Variants in CAMKK2 observed in about 807,000 individuals in gnomAD.
CAMKK2 encodes calcium/calmodulin-dependent protein kinase kinase 2.
A neutral mutation model predicts 67.2 loss-of-function variants in CAMKK2; 30 were observed. That is an observed-to-expected ratio of 0.45 (90% CI 0.33 to 0.61). CAMKK2 has a LOEUF of 0.61. Ranked by LOEUF, CAMKK2 falls within the 20% of genes least tolerant of loss-of-function variation. The pLI is 0.02. For synonymous variants in CAMKK2, 322 were observed against 326.2 expected, an observed-to-expected ratio of 0.99 and a Z score of 0.14; for missense variants, 643 against 802.0, an observed-to-expected ratio of 0.80 and a Z score of 2.39.
intron 1 of CAMKK2, among the ~76,000 whole-genome samples, chr12:121,279,604 T>C (rs546725612): frequency 6.6e-6 from 1 of 152,314 alleles, no homozygotes; most frequent in South Asian, 2.1e-4. Flanking sequence ...GGAAGGACAG[T>C]GAAGCATTCG....
intron 6 of CAMKK2, among the ~76,000 whole-genome samples, chr12:121,262,748 C>T (rs1593368405): frequency 1.3e-5 from 2 of 151,946 alleles, no homozygotes; most frequent in South Asian, 2.1e-4. Context: ...TTTGTAGAGA[C>T]AAGGTTTCAC....
Position 121,249,998 on chromosome 12 carries a change from T to G in CAMKK2, c.1198A>C (p.Ser400Arg), listed in dbSNP as rs540716908. 7.4e-6 allele frequency: 12 copies of G among 1,614,070 alleles called. No homozygotes were observed. In the East Asian group the frequency reaches 2.7e-4, roughly 36 times the overall value. Residue 400 changes from serine to arginine, a missense_variant, in exon 12 of 17, where the codon AGT becomes CGT. Coordinates refer to ENST00000404169, the MANE Select transcript of CAMKK2 (RefSeq NM_001270485.2). ...FMDERIMCLH[S>R]KIKSQALEFP... ...TCCAGGGCCTGACTCTTGATCTTAC[T>G]GTGTAAACACATGATCCGCTCGTCC...
chr12:121,246,847 G>A (rs753168173), intron 14 of CAMKK2, among the ~76,000 whole-genome samples: 1 of 101,904 alleles, frequency 9.8e-6, no homozygotes, highest in African/African-American at 3.8e-5. Context: ...CTACCCCTGA[G>A]AGCAGGCACT....
chr12:121,245,255 A>G lies in CAMKK2; in HGVS notation c.1453-15T>C. On this transcript the variant is annotated splice_polypyrimidine_tract_variant and intron_variant, in intron 14 of 16. Transcript: ENST00000404169. The surrounding 1 kb of genome is among the most constrained non-coding windows in gnomAD (Gnocchi z 5.8). ...TTCACCAGGATCTGAAGAGGGAGAA[A>G]AGAGGAGGTGGCAGGCAACTGCTTG... is the stretch of plus-strand genomic sequence containing the variant. The G allele has an allele frequency of 1.9e-6, 3 of 1,555,134 alleles. No individual in the cohort carries two copies. The highest frequency in any genetic ancestry group is 1.1e-5 in the South Asian group (1 of 86,986).
intron 6 of CAMKK2, among the ~76,000 whole-genome samples, chr12:121,261,459 C>T (rs531117530): frequency 6.6e-6 from 1 of 152,294 alleles, no homozygotes; most frequent in South Asian, 2.1e-4. Flanking sequence ...CAAATGCAGC[C>T]TCCCTGGCTA....
chr12:121,268,993 A>G (rs1017674703), intron 4 of CAMKK2, among the ~76,000 whole-genome samples: 10 of 152,156 alleles, frequency 6.6e-5, no homozygotes, highest in African/African-American at 2.4e-4. Flanking sequence ...TCAAAACACA[A>G]GTGAGCTGGA....
At chr12:121,270,797 CAA>C in intron 3 of CAMKK2, 99 bp downstream of exon 3, 1 of 891,934 alleles carries the variant, frequency 1.1e-6, no homozygotes, top group Non-Finnish European at 1.8e-6. Flanking sequence ...ACCTCGCCTT[CAA>C]AGACTCCTCT....
chr12:121,266,568 C>T (rs1166072949), intron 5 of CAMKK2, among the ~76,000 whole-genome samples: 1 of 150,186 alleles, frequency 6.7e-6, no homozygotes, highest in Non-Finnish European at 1.5e-5. Flanking sequence ...GCGATCTCGG[C>T]TCAGTGTAAC....
intron 1 of CAMKK2, among the ~76,000 whole-genome samples, chr12:121,279,930 C>T (rs1387545039): frequency 6.6e-6 from 1 of 152,274 alleles, no homozygotes; most frequent in African/African-American, 2.4e-5. Flanking sequence ...TCCGCTACCT[C>T]CCGCGCAGCA....
intron 14 of CAMKK2, among the ~76,000 whole-genome samples, chr12:121,247,260 T>A (rs1889678220): frequency 6.6e-6 from 1 of 152,132 alleles, no homozygotes; most frequent in Admixed American, 6.5e-5. Flanking sequence ...ATACATTTGT[T>A]GGTTTGACCA....
intron 5 of CAMKK2, among the ~76,000 whole-genome samples, chr12:121,267,741 G>A (rs903015650): frequency 6.6e-6 from 1 of 151,350 alleles, no homozygotes; most frequent in African/African-American, 2.4e-5. Flanking sequence ...TGATCCACTC[G>A]CCTCGGCCTC....
rs562799891 is a variant in CAMKK2 at position 121,239,116 on chromosome 12, T to C, written c.*1583A>G. The C allele has an allele frequency of 1.3e-5, 2 of 152,440 alleles. No individual in the cohort carries two copies. Among genetic ancestry groups the C allele is most frequent in the South Asian group, 4.1e-4 (2 of 4,822 alleles). The allele number at this position is 152,440 out of a possible 1,614,324, so 9.4% of individuals were successfully genotyped here. A position where few individuals can be genotyped will look rare whatever the true frequency, so the allele number is the denominator to read the frequency against. On this transcript the variant is annotated 3_prime_UTR_variant, in exon 17 of 17. Transcript: ENST00000404169. ...CCAAGAAGGCCCAGGGCTCCATGAA[T>C]GGGCTGGGCAGGGGCACGAGGCCTT...
rs1179114087 is a variant in CAMKK2, at chr12:121,285,372, G to A, written c.-59-10787C>T. Among the ~76,000 whole-genome samples, 3 of 152,116 alleles carry A rather than the reference G, an allele frequency of 2.0e-5. No homozygotes were observed. The highest frequency in any genetic ancestry group is 4.8e-5 in the African/African-American group (2 of 41,408). ...ACAGAAATTAGCCAGGTATGGTGGC[G>A]CATGCCTGTTATCCCAGCTACTCAG... is the stretch of plus-strand genomic sequence containing the variant. On this transcript the variant is annotated intron_variant, in intron 1 of 16. Transcript: ENST00000404169. This position sits in a 1 kb window ranked among gnomAD's most constrained non-coding sequence, Gnocchi z 4.1.
intron 11 of CAMKK2, among the ~76,000 whole-genome samples, chr12:121,252,076 A>G (rs950763013): frequency 2.0e-5 from 3 of 151,812 alleles, no homozygotes; most frequent in South Asian, 2.1e-4. Flanking sequence ...GGGCTCAGAA[A>G]TGGGAGAGGT....
At chr12:121,263,672 G>A (rs1893927876) in intron 6 of CAMKK2, 134 bp downstream of exon 6, 2 of 621,636 alleles carry the variant, frequency 3.2e-6, no homozygotes, top group African/African-American at 1.8e-5. Context: ...TACTCTTAGG[G>A]AGCAGTAAAT....
intron 7 of CAMKK2, among the ~76,000 whole-genome samples, chr12:121,258,353 G>A (rs939094421): frequency 1.3e-5 from 2 of 151,936 alleles, no homozygotes; most frequent in South Asian, 2.1e-4. Context: ...GTTTTATTGA[G>A]ACAGGGTCTT....
chr12:121,240,625 C>T lies in CAMKK2; in HGVS notation c.*74G>A. The T allele has an allele frequency of 6.5e-7, 1 of 1,535,326 alleles. No individual in the cohort carries two copies. The highest frequency in any genetic ancestry group is 1.4e-5 in the African/African-American group (1 of 72,628). On this transcript the variant is annotated 3_prime_UTR_variant, in exon 17 of 17. Coordinates refer to ENST00000404169, the MANE Select transcript of CAMKK2 (RefSeq NM_001270485.2). This position sits in a 1 kb window ranked among gnomAD's most constrained non-coding sequence, Gnocchi z 4.4. ...ACGTGCTGGGTTTCCGTAGGACATG[C>T]TGCTATGGAAACGCGGTGCAGCAGC...
intron 6 of CAMKK2, among the ~76,000 whole-genome samples, chr12:121,262,704 G>T (rs557037603): frequency 5.3e-5 from 8 of 151,866 alleles, no homozygotes; most frequent in African/African-American, 1.9e-4. Context: ...GACCAAAGGC[G>T]TGCACCACCA....
In CAMKK2 at chr12:121,240,822, A is replaced by C. The variant is rs769170410; in HGVS notation, c.1644T>G (p.Arg548=). The change falls in exon 17 of 17, where the codon CGT becomes CGG. Residue 548 remains arginine, a synonymous_variant. Coordinates refer to ENST00000404169, the MANE Select transcript of CAMKK2 (RefSeq NM_001270485.2). This position sits in a 1 kb window ranked among gnomAD's most constrained non-coding sequence, Gnocchi z 4.4. ...TCACAAGAGCACTTCCTCCTCCCCCACGGGGGGCGGGTCGGTGCCCTGGAG... is the reference window on the plus strand; with the variant it reads ...TCACAAGAGCACTTCCTCCTCCCCCCCGGGGGGCGGGTCGGTGCCCTGGAG... The part of the protein sequence containing the change: ...RQPPGHRPAP[R]GGGGSALVRG... The C allele has an allele frequency of 2.5e-6, 4 of 1,611,452 alleles. No homozygotes were observed. The highest frequency in any genetic ancestry group is 1.6e-4 in the Middle Eastern group (1 of 6,078).
Sources: gnomAD v4.1 joint callset for allele counts (sites outside exome capture counted in the v4.1 genomes callset) on GRCh38, gnomAD v4.1.1 for gene constraint, Gnocchi (gnomAD v3.1) non-coding constraint, MANE v1.5 for transcripts, NCBI Gene and HGNC (gene_info 2026-07-23, HGNC 2026-07-21) for gene names.